Variants in CENPP observed in about 807,000 individuals in gnomAD.
CENPP encodes the protein centromere protein P.
Under a neutral mutation model 35.6 loss-of-function variants are expected in CENPP, and 24 were observed. The ratio of observed to expected loss-of-function variants is 0.67; its 90% CI spans 0.49 to 0.95. The LOEUF is 0.95. Among genes scored for constraint, CENPP ranks in the 40% least tolerant of loss-of-function variants. The probability of loss-of-function intolerance (pLI) is 0.00; values close to 1 mark genes in which losing one functional copy is unlikely to be tolerated. For synonymous variants in CENPP, 120 were observed against 125.5 expected (o/e 0.96, Z 0.29); for missense variants, 332 against 345.3 (o/e 0.96, Z 0.31).
intron 5 of CENPP, among the ~76,000 whole-genome samples, chr9:92,567,391 T>TATATATAG (rs374567670): frequency 4.1e-5 from 4 of 98,396 alleles, no homozygotes; most frequent in East Asian, 2.2e-4. Context: ...TATATATATA[T>TATATATAG]ATATAGATAT....
At chr9:92,514,996 G>A (rs1217272410) in intron 5 of CENPP, 1 of 1,614,042 alleles carries the variant, frequency 6.2e-7, no homozygotes, top group Admixed American at 1.7e-5. Context: ...AGATTCAGGG[G>A]TCTCTCTCTT....
At chr9:92,570,175 C>T (rs1850097734) in intron 5 of CENPP, among the ~76,000 whole-genome samples, 1 of 151,908 alleles carries the variant, frequency 6.6e-6, no homozygotes, top group African/African-American at 2.4e-5. Context: ...AAAGGGAGTG[C>T]TTCTAGTCTG....
rs752325146 is a variant in CENPP at position 92,619,432 on chromosome 9, T to C, written c.*6283T>C. The C allele has an allele frequency of 7.3e-7, 1 of 1,370,122 alleles. No individual in the cohort carries two copies. The highest frequency in any genetic ancestry group is 1.0e-6 in the Non-Finnish European group (1 of 980,968). 84.9% of individuals were successfully genotyped at this position (1,370,122 alleles called of 1,614,324 possible). A position where few individuals can be genotyped will look rare whatever the true frequency, so the allele number is the denominator to read the frequency against. Reference sequence around the variant, plus strand: ...ACTATCCTATTAACAATTCACCAACTGTCCATAAAACCCCGTTAGACCCAG... The same window carrying C: ...ACTATCCTATTAACAATTCACCAACCGTCCATAAAACCCCGTTAGACCCAG... On this transcript the variant is annotated 3_prime_UTR_variant, in exon 8 of 8. Coordinates refer to ENST00000375587, the MANE Select transcript of CENPP (RefSeq NM_001012267.3).
intron 5 of CENPP, among the ~76,000 whole-genome samples, chr9:92,541,956 G>T (rs1588258505): frequency 6.6e-6 from 1 of 152,176 alleles, no homozygotes; most frequent in South Asian, 2.1e-4. Context: ...GCCGCACCCA[G>T]CTAATTTTTG....
chr9:92,569,487 G>T (rs1850080259), intron 5 of CENPP, among the ~76,000 whole-genome samples: 1 of 152,168 alleles, frequency 6.6e-6, no homozygotes, highest in African/African-American at 2.4e-5. Context: ...CTGTAGCCTT[G>T]TAGTATAGTT....
intron 5 of CENPP, among the ~76,000 whole-genome samples, chr9:92,468,891 T>C (rs1206607395): frequency 6.6e-6 from 1 of 152,178 alleles, no homozygotes; most frequent in East Asian, 1.9e-4. Flanking sequence ...CATTTCCCTG[T>C]GAATAACAAG....
intron 5 of CENPP, chr9:92,385,675 T>C: frequency 6.2e-7 from 1 of 1,614,214 alleles, no homozygotes; most frequent in Non-Finnish European, 8.5e-7. Context: ...GTTTGGATGC[T>C]TTCCCAGGAC....
chr9:92,488,474 A>G (rs1051326708), intron 5 of CENPP, among the ~76,000 whole-genome samples: 2 of 152,226 alleles, frequency 1.3e-5, no homozygotes, highest in African/African-American at 2.4e-5. Flanking sequence ...GATACATGCC[A>G]AGTGTTTTTA....
At chr9:92,363,236 C>T (rs10992316) in intron 4 of CENPP, among the ~76,000 whole-genome samples, 3 of 4,086 alleles carry the variant, frequency 7.3e-4, no homozygotes, top group East Asian at 0.026. Context: ...TACATATATA[C>T]ACACACACAC....
At chr9:92,335,739 A>T (rs1476466978) in intron 2 of CENPP, among the ~76,000 whole-genome samples, 1 of 152,006 alleles carries the variant, frequency 6.6e-6, no homozygotes, top group Non-Finnish European at 1.5e-5. Context: ...TGTTCTATTG[A>T]CCTATTTGTA....
intron 5 of CENPP, among the ~76,000 whole-genome samples, chr9:92,601,637 G>A (rs1850921918): frequency 6.6e-6 from 1 of 152,210 alleles, no homozygotes; most frequent in Non-Finnish European, 1.5e-5. Flanking sequence ...ATAAATGACT[G>A]CGTTGTGTCA....
chr9:92,499,422 T>C lies in CENPP; in HGVS notation c.565-111892T>C, dbSNP rs185247935. The stretch of plus-strand genomic sequence containing the variant: ...ATGAGAAGCATGGCAAAAATAGAAA[T>C]TCATCATTTTGTTACCTCTAATGAA... On this transcript the variant is annotated intron_variant, in intron 5 of 7. Coordinates refer to ENST00000375587, the MANE Select transcript of CENPP (RefSeq NM_001012267.3). Among the ~76,000 whole-genome samples the C allele has an allele frequency of 9.0e-4, 137 of 152,182 alleles. 1 individual carries two copies. The highest frequency in any genetic ancestry group is 3.1e-3 in the African/African-American group (127 of 41,532).
intron 5 of CENPP, chr9:92,495,304 G>T (rs1223787897): frequency 3.6e-6 from 3 of 837,810 alleles, no homozygotes; most frequent in East Asian, 1.2e-4. Context: ...GCAATACAAA[G>T]ATAAAAATCA....
chr9:92,592,219 ATGAACT>A (rs1850681893), intron 5 of CENPP, among the ~76,000 whole-genome samples: 1 of 152,054 alleles, frequency 6.6e-6, no homozygotes. Flanking sequence ...TTTTCACAAA[ATGAACT>A]TGTATGACCA....
In CENPP at chr9:92,433,890, G is replaced by A. The variant is rs543099847; in HGVS notation, c.564+54031G>A. Among the ~76,000 whole-genome samples, 50 of 151,826 alleles carry A rather than the reference G, an allele frequency of 3.3e-4. No individual in the cohort carries two copies. The South Asian group carries it at 9.8e-3, about 30-fold the overall frequency. On this transcript the variant is annotated intron_variant, in intron 5 of 7. Coordinates refer to ENST00000375587, the MANE Select transcript of CENPP (RefSeq NM_001012267.3). The stretch of plus-strand genomic sequence containing the variant: ...GAGGTTGCAGGTGAGCCAAGATCGC[G>A]CCATTGCACTCCAGCCTGGGTGACA...
intron 5 of CENPP, among the ~76,000 whole-genome samples, chr9:92,451,495 T>C (rs1445866846): frequency 6.6e-6 from 1 of 151,948 alleles, no homozygotes. Flanking sequence ...TTTTGGTTAC[T>C]GTAGCCTTGT....
chr9:92,425,153 G>T (rs972867101), intron 5 of CENPP, among the ~76,000 whole-genome samples: 1 of 152,094 alleles, frequency 6.6e-6, no homozygotes, highest in African/African-American at 2.4e-5. Context: ...TCTATACAAA[G>T]GCTTACATCT....
intron 4 of CENPP, among the ~76,000 whole-genome samples, chr9:92,353,961 T>C (rs1564274790): frequency 6.6e-6 from 1 of 152,210 alleles, no homozygotes; most frequent in Non-Finnish European, 1.5e-5. Context: ...ATTGTAATTG[T>C]GACTTCAAAA....
intron 5 of CENPP, chr9:92,522,986 G>T: frequency 1.7e-6 from 2 of 1,211,428 alleles, no homozygotes; most frequent in Non-Finnish European, 2.2e-6. Flanking sequence ...CAGTAGGCAA[G>T]TCTTTGAGAA....
Sources: gnomAD v4.1 joint callset for allele counts (sites outside exome capture counted in the v4.1 genomes callset) on GRCh38, gnomAD v4.1.1 for gene constraint, MANE v1.5 for transcripts, NCBI Gene and HGNC (gene_info 2026-07-23, HGNC 2026-07-21) for gene names.